The following PLA2G4E variants were observed in gnomAD, a reference collection of about 807,000 sequenced individuals.
PLA2G4E encodes the protein cytosolic phospholipase A2 epsilon.
Under a neutral mutation model 109.1 loss-of-function variants are expected in PLA2G4E, and 84 were observed. The ratio of observed to expected loss-of-function variants is 0.77; its 90% CI spans 0.65 to 0.92. PLA2G4E has a LOEUF of 0.92. Among genes scored for constraint, PLA2G4E ranks in the 40% least tolerant of loss-of-function variants. The pLI is 0.00. For missense variants in PLA2G4E, 1,057 were observed against 1,076.6 expected (o/e 0.98, Z 0.25); for synonymous variants, 469 against 436.1 (o/e 1.08, Z -0.94).
chr15:42,048,474 A>G (rs969128661), intron 1 of PLA2G4E, among the ~76,000 whole-genome samples: 2 of 152,134 alleles, frequency 1.3e-5, no homozygotes, highest in African/African-American at 4.8e-5. Context: ...ATTAAATACA[A>G]TGTCTTTTTG....
chr15:41,990,224 G>T lies in PLA2G4E; in HGVS notation c.1482C>A (p.Cys494Ter). The change falls in exon 14 of 20, where the codon TGC (cysteine) becomes TGA (stop). Residue 494 changes from cysteine (C) to a stop codon, truncating the protein, a stop_gained. Transcript: ENST00000399518. LOFTEE classifies it high-confidence loss of function. ...AAGCAGCACGCTGATCTGACAGTTT[G>T]CATTCATTTCTCTGTGGGGAAACAA... 1 of 1,613,606 alleles carries T rather than the reference G, an allele frequency of 6.2e-7. No individual in the cohort carries two copies. The highest frequency in any genetic ancestry group is 8.5e-7 in the Non-Finnish European group (1 of 1,179,758).
chr15:42,039,233 T>C (rs928826825), intron 1 of PLA2G4E, among the ~76,000 whole-genome samples: 3 of 152,182 alleles, frequency 2.0e-5, no homozygotes, highest in African/African-American at 7.2e-5. Flanking sequence ...TCTTGGAAAC[T>C]CACACCGAGG....
rs2068644386 is a variant in PLA2G4E, at chr15:42,021,055, C to A, written c.184-7298G>T. Among the ~76,000 whole-genome samples the A allele has an allele frequency of 6.6e-6, 1 of 152,002 alleles. No individual in the cohort carries two copies. Among genetic ancestry groups the A allele is most frequent in the Admixed American group, 6.6e-5 (1 of 15,256 alleles). The stretch of plus-strand genomic sequence containing the variant: ...TCACGGCAGCTCTCCAGCTGGGTGG[C>A]AAGATCAGGAACTTATACTCTGACT... On this transcript the variant is annotated intron_variant, in intron 1 of 19. Transcript: ENST00000399518.
At chr15:42,015,214 C>A (rs562198021) in intron 1 of PLA2G4E, among the ~76,000 whole-genome samples, 29 of 152,322 alleles carry the variant, frequency 1.9e-4, no homozygotes, top group African/African-American at 6.7e-4. Context: ...CCCTTTTGGA[C>A]CCATTACTTC....
In PLA2G4E at chr15:41,987,395, G is replaced by A. The variant is rs1328211416; in HGVS notation, c.1832-20C>T. ...CGTCTTCTGCAGGGGAGGGAGGGAT[G>A]AAGGGCAGGTCATGAGAGGTGGAGT... On this transcript the variant is annotated intron_variant, in intron 16 of 19. Coordinates refer to ENST00000399518, the Ensembl canonical transcript of PLA2G4E. 1.9e-6 allele frequency: 3 copies of A among 1,608,038 alleles called. No homozygotes were observed. Among genetic ancestry groups the A allele is most frequent in the Non-Finnish European group, 2.6e-6 (3 of 1,175,860 alleles).
Position 42,016,392 on chromosome 15 carries a change from G to C in PLA2G4E, c.184-2635C>G, listed in dbSNP as rs115607002. On this transcript the variant is annotated intron_variant, in intron 1 of 19. Coordinates refer to ENST00000399518, the Ensembl canonical transcript of PLA2G4E. ...ACTCTGTCATATAGGCTGGAATGCA[G>C]TGGCGGGATATCTTGGCTCACTGCA... Among the ~76,000 whole-genome samples the C allele has an allele frequency of 4.2e-3, 645 of 151,814 alleles. 9 individuals are homozygous for C. The highest frequency in any genetic ancestry group is 0.015 in the African/African-American group (610 of 41,410).
chr15:42,017,601 G>T (rs1470997822), intron 1 of PLA2G4E, among the ~76,000 whole-genome samples: 1 of 152,220 alleles, frequency 6.6e-6, no homozygotes, highest in Non-Finnish European at 1.5e-5. Context: ...TCCCAAGCCT[G>T]TGTTTCTCCC....
chr15:41,999,417 A>G lies in PLA2G4E; in HGVS notation c.974+107T>C, dbSNP rs570376941. 1.8e-4 allele frequency: 144 copies of G among 803,014 alleles called. 1 individual carries two copies. The highest frequency in any genetic ancestry group is 1.4e-3 in the South Asian group (86 of 63,008). The allele number at this position is 803,014 out of a possible 1,614,324, so 49.7% of individuals were successfully genotyped here. On this transcript the variant is annotated intron_variant, in intron 10 of 19. Coordinates refer to ENST00000399518, the Ensembl canonical transcript of PLA2G4E. ...CAGCCAGCCCATGGAAAGATGTTCAACATCATTAGCCATAGGGGAAATGCA... is the reference window on the plus strand; with the variant it reads ...CAGCCAGCCCATGGAAAGATGTTCAGCATCATTAGCCATAGGGGAAATGCA...
In PLA2G4E at chr15:41,984,595, A is replaced by AG; in HGVS notation, c.2226dup (p.Cys743LeufsTer16). On this transcript the variant is annotated frameshift_variant, in exon 19 of 20. Transcript: ENST00000399518. LOFTEE classifies it high-confidence loss of function. ...GGGAAGGGGATGTTCTGCACAGTGC[A>AG]GTACTCACAGGTTTGTTTCAGGGGC... The AG allele has an allele frequency of 6.2e-7, 1 of 1,610,192 alleles. No homozygotes were observed. The highest frequency in any genetic ancestry group is 2.2e-5 in the East Asian group (1 of 44,784).
intron 1 of PLA2G4E, among the ~76,000 whole-genome samples, chr15:42,023,571 G>A (rs2068667343): frequency 6.6e-6 from 1 of 151,982 alleles, no homozygotes; most frequent in South Asian, 2.1e-4. Context: ...GCCAGAACAG[G>A]CCATACAAGC....
chr15:42,005,078 G>T, intron 4 of PLA2G4E, 100 bp from the exon 5 acceptor site: 3 of 1,390,504 alleles, frequency 2.2e-6, no homozygotes, highest in Middle Eastern at 1.9e-4. Flanking sequence ...ACCTGCCTCC[G>T]TCCTTCCCCC....
In PLA2G4E at chr15:42,046,264, G is replaced by A. The variant is rs1464350536; in HGVS notation, c.183+4257C>T. ...TAAAACAGATCAAGTCAGTCCTCAG[G>A]TTAAAGCCCTCCATGGGCTCCCCCT... On this transcript the variant is annotated intron_variant, in intron 1 of 19. Transcript: ENST00000399518. Among the ~76,000 whole-genome samples, 4 of 152,218 alleles carry A rather than the reference G, an allele frequency of 2.6e-5. No homozygotes were observed. The East Asian group carries it at 7.7e-4, about 29-fold the overall frequency.
Position 42,044,853 on chromosome 15 carries a change from G to A in PLA2G4E, c.183+5668C>T, listed in dbSNP as rs187505609. On this transcript the variant is annotated intron_variant, in intron 1 of 19. Coordinates refer to ENST00000399518, the Ensembl canonical transcript of PLA2G4E. ...GCTGGGTGGGGACAGAATTGGGCAG[G>A]ACAGGGACAGGAAGATGTGTTGTAG... 3.8e-3 allele frequency among the ~76,000 whole-genome samples: 572 copies of A among 152,222 alleles called. 17 individuals are homozygous for A. Among genetic ancestry groups the A allele is most frequent in the Non-Finnish European group, 1.1e-3 (74 of 68,014 alleles).
chr15:42,004,336 A>G (rs2068451721), intron 5 of PLA2G4E, among the ~76,000 whole-genome samples: 2 of 151,252 alleles, frequency 1.3e-5, no homozygotes, highest in South Asian at 2.1e-4. Context: ...AAAGGAAAGA[A>G]AGGGAAAGAA....
intron 4 of PLA2G4E, 97 bp downstream of exon 4, chr15:42,005,893 A>G: frequency 7.0e-7 from 1 of 1,427,408 alleles, no homozygotes; most frequent in Non-Finnish European, 9.6e-7. Context: ...TTGACTGTGT[A>G]CACAGAGAAG....
In PLA2G4E at chr15:41,999,512, C is replaced by A. The variant is rs758830885; in HGVS notation, c.974+12G>T. 4 of 1,575,706 alleles carry A rather than the reference C, an allele frequency of 2.5e-6. No individual in the cohort carries two copies. The highest frequency in any genetic ancestry group is 3.5e-6 in the Non-Finnish European group (4 of 1,145,534). ...ATAAGTGAGAGGCACGGACAGAATG[C>A]GGGTACTATACCAGGGTGTAGACTT... On this transcript the variant is annotated intron_variant, in intron 10 of 19. Coordinates refer to ENST00000399518, the Ensembl canonical transcript of PLA2G4E.
intron 11 of PLA2G4E, 118 bp from the exon 12 acceptor site, chr15:41,995,614 G>A (rs1055905934): frequency 2.9e-6 from 4 of 1,371,878 alleles, no homozygotes; most frequent in Non-Finnish European, 3.0e-6. Context: ...GCTACAGAGG[G>A]CAGGGAGTGC....
chr15:41,994,025 G>A (rs2141032724), intron 12 of PLA2G4E, among the ~76,000 whole-genome samples: 1 of 152,262 alleles, frequency 6.6e-6, no homozygotes, highest in Non-Finnish European at 1.5e-5. Context: ...CAACCTGCTG[G>A]AAGCAAGTTA....
Position 41,991,905 on chromosome 15 carries a change from A to G in PLA2G4E, c.1470+832T>C, listed in dbSNP as rs558287133. Among the ~76,000 whole-genome samples, 285 of 152,284 alleles carry G rather than the reference A, an allele frequency of 1.9e-3. 4 individuals are homozygous for G. The highest frequency in any genetic ancestry group is 9.0e-4 in the Non-Finnish European group (61 of 68,024). ...TCTCGGCTTGTGCAACCTAAAGGGC[A>G]CAGATGTCAGCTGAGCCCACCCTGA... On this transcript the variant is annotated intron_variant, in intron 13 of 19. Transcript: ENST00000399518.
Sources: allele counts gnomAD v4.1 joint callset (sites outside exome capture counted in the v4.1 genomes callset), GRCh38; gene constraint gnomAD v4.1.1; transcripts MANE v1.5; gene names NCBI Gene and HGNC (gene_info 2026-07-23, HGNC 2026-07-21).